CLEC4E: variants seen among roughly 807,000 people sequenced by gnomAD.
The protein encoded by CLEC4E is C-type (calcium dependent, carbohydrate-recognition domain) lectin, superfamily member 9.
Under a neutral mutation model 24.7 loss-of-function variants are expected in CLEC4E, and 21 were observed. That is an observed-to-expected ratio of 0.85 (90% CI 0.60 to 1.22). CLEC4E has a LOEUF of 1.22. Among genes scored for constraint, CLEC4E ranks in the 50% most tolerant of loss-of-function variants. The probability of loss-of-function intolerance (pLI) is 0.00; values close to 1 mark genes in which losing one functional copy is unlikely to be tolerated. For missense variants in CLEC4E, 249 were observed against 254.1 expected (o/e 0.98, Z 0.14); for synonymous variants, 94 against 85.7 (o/e 1.10, Z -0.54).
chr12:8,536,812 C>T (rs753410071), intron 4 of CLEC4E, among the ~76,000 whole-genome samples: 1 of 152,234 alleles, frequency 6.6e-6, no homozygotes, highest in South Asian at 2.1e-4. Flanking sequence ...ACAATATTTG[C>T]TTCTCTTCTT....
At position 8,534,121 on chromosome 12, in the gene CLEC4E, A is replaced by G. The variant is rs1392408975; in HGVS notation, c.*517T>C. On this transcript the variant is annotated 3_prime_UTR_variant, in exon 6 of 6. Transcript: ENST00000299663. ...CCAGAAAGGCCACACCGGTATTCTG[A>G]GCAGGAATAAGTTTCATGACTTGAA... 6.6e-6 allele frequency: 1 copy of G among 152,502 alleles called. No homozygotes were observed. 9.4% of individuals were successfully genotyped at this position (152,502 alleles called of 1,614,324 possible). A position where few individuals can be genotyped will look rare whatever the true frequency, so the allele number is the denominator to read the frequency against.
At chr12:8,540,042 T>C (rs1940676727) in intron 1 of CLEC4E, 95 bp from the exon 2 acceptor site, 3 of 829,634 alleles carry the variant, frequency 3.6e-6, no homozygotes, top group South Asian at 2.9e-5. Context: ...TATTTCCTTC[T>C]ACTTCCATTG....
intron 1 of CLEC4E, among the ~76,000 whole-genome samples, chr12:8,540,166 T>C (rs747087424): frequency 1.3e-5 from 2 of 152,318 alleles, no homozygotes; most frequent in East Asian, 3.9e-4. Context: ...AGAGTTTGTA[T>C]GGAACCAACA....
At chr12:8,538,639 T>C (rs112366022) in intron 3 of CLEC4E, among the ~76,000 whole-genome samples, 243 of 152,336 alleles carry the variant, frequency 1.6e-3, no homozygotes, top group African/African-American at 5.6e-3. Flanking sequence ...TATTTCTACA[T>C]GCTCTCGTCT....
At position 8,536,371 on chromosome 12, in the gene CLEC4E, C is replaced by T. The variant is rs746076767; in HGVS notation, c.373-166G>A. ...AGGAGTTCAAGACCAGCTTGACCAA[C>T]ATGGCGAAACCCTGTCTCTACTAAA... On this transcript the variant is annotated intron_variant, in intron 4 of 5. Coordinates refer to ENST00000299663, the MANE Select transcript of CLEC4E (RefSeq NM_014358.4). Among the ~76,000 whole-genome samples the T allele has an allele frequency of 2.0e-5, 3 of 152,278 alleles. No individual in the cohort carries two copies. In the South Asian group the frequency reaches 6.2e-4, roughly 32 times the overall value.
chr12:8,534,939 AT>A (rs1940593376), intron 5 of CLEC4E, 130 bp from the exon 6 acceptor site: 2 of 708,082 alleles, frequency 2.8e-6, no homozygotes, highest in Non-Finnish European at 4.5e-6. Flanking sequence ...TATAATGTCC[AT>A]TTTATTGAAG....
In CLEC4E at chr12:8,540,823, T is replaced by TTTTC; in HGVS notation, c.-27_-26insGAAA. The TTTTC allele has an allele frequency of 1.6e-6, 2 of 1,286,624 alleles. No homozygotes were observed. Among genetic ancestry groups the TTTTC allele is most frequent in the Non-Finnish European group, 2.2e-6 (2 of 891,466 alleles). 79.7% of individuals were successfully genotyped at this position (1,286,624 alleles called of 1,614,324 possible). ...TTTTTCTCTCTCTTTGGTTTTTTGT[T>TTTTC]TCTCTCTCTCTCTTTTTCTCTCCCT... On this transcript the variant is annotated 5_prime_UTR_variant, in exon 1 of 6. Transcript: ENST00000299663.
At chr12:8,536,976 T>C (rs1940623697) in intron 4 of CLEC4E, 139 bp downstream of exon 4, 1 of 716,104 alleles carries the variant, frequency 1.4e-6, no homozygotes, top group African/African-American at 1.8e-5. Flanking sequence ...GCAGTGACTT[T>C]ACCGAAATAG....
chr12:8,538,965 C>A (rs1940657261), intron 3 of CLEC4E: 1 of 431,024 alleles, frequency 2.3e-6, no homozygotes, highest in East Asian at 3.5e-5. Context: ...AGGTACACTC[C>A]TGGGAATAAT....
At chr12:8,540,019 A>G (rs1591726466) in intron 1 of CLEC4E, 72 bp from the exon 2 acceptor site, 2 of 949,522 alleles carry the variant, frequency 2.1e-6, no homozygotes, top group South Asian at 2.6e-5. Context: ...AGAGATTCTT[A>G]TTCATCCTTA....
chr12:8,537,332 TG>T, intron 3 of CLEC4E, 66 bp from the exon 4 acceptor site: 1 of 1,496,762 alleles, frequency 6.7e-7, no homozygotes, highest in Non-Finnish European at 9.1e-7. Flanking sequence ...AAGCTTCATC[TG>T]GCCCCATGGA....
chr12:8,533,836 G>A lies in CLEC4E; in HGVS notation c.*802C>T, dbSNP rs1940576393. The A allele has an allele frequency of 6.6e-6, 1 of 152,144 alleles. No homozygotes were observed. Among genetic ancestry groups the A allele is most frequent in the South Asian group, 2.1e-4 (1 of 4,832 alleles). The allele number at this position is 152,144 out of a possible 1,614,324, so 9.4% of individuals were successfully genotyped here. A position where few individuals can be genotyped will look rare whatever the true frequency, so the allele number is the denominator to read the frequency against. On this transcript the variant is annotated 3_prime_UTR_variant, in exon 6 of 6. Transcript: ENST00000299663. ...TAAAAAGCCTTTAACATGTACCCCC[G>A]AAAGCTAAAATAAAAGTTAAGAAAT...
At position 8,536,327 on chromosome 12, in the gene CLEC4E, G is replaced by A. The variant is rs185867256; in HGVS notation, c.373-122C>T. On this transcript the variant is annotated intron_variant, in intron 4 of 5. Transcript: ENST00000299663. ...TCCTAGCACTTTGGGAGGCCGAGGC[G>A]GGTGGATCACCTGAGGTCAGGAGTT... The A allele has an allele frequency of 1.3e-3, 665 of 521,650 alleles. 4 individuals carry two copies. The highest frequency in any genetic ancestry group is 0.012 in the African/African-American group (612 of 50,674). The allele number at this position is 521,650 out of a possible 1,614,324, so 32.3% of individuals were successfully genotyped here.
Position 8,534,475 on chromosome 12 carries a change from C to A in CLEC4E, c.*163G>T. 1 of 517,912 alleles carries A rather than the reference C, an allele frequency of 1.9e-6. No individual in the cohort carries two copies. Among genetic ancestry groups the A allele is most frequent in the Non-Finnish European group, 3.4e-6 (1 of 297,200 alleles). 32.1% of individuals were successfully genotyped at this position (517,912 alleles called of 1,614,324 possible). A position where few individuals can be genotyped will look rare whatever the true frequency, so the allele number is the denominator to read the frequency against. On this transcript the variant is annotated 3_prime_UTR_variant, in exon 6 of 6. Coordinates refer to ENST00000299663, the MANE Select transcript of CLEC4E (RefSeq NM_014358.4). ...AGAGAAAATGCACTTCAGCCAGTAA[C>A]ATGAATTATAACATTTAAAACTACT...
Position 8,536,192 on chromosome 12 carries a change from T to C in CLEC4E, c.386A>G (p.Tyr129Cys). 1 of 1,598,360 alleles carries C rather than the reference T, an allele frequency of 6.3e-7. No individual in the cohort carries two copies. The highest frequency in any genetic ancestry group is 8.6e-7 in the Non-Finnish European group (1 of 1,166,064). ...NSQEEQEFLSYKKPKMREFFI... is the reference protein window; with the variant it reads ...NSQEEQEFLSCKKPKMREFFI... ...AAACTCTCTCATTTTAGGTTTCTTG[T>C]AGGAAAGGAATTCCTATGGAAGATA... Residue 129 changes from tyrosine (Y) to cysteine (C), a missense_variant, in exon 5 of 6, where the codon TAC (tyrosine) becomes TGC (cysteine). Tyr to Cys is a radical substitution (Grantham distance 194). Transcript: ENST00000299663.
chr12:8,537,804 T>C (rs1379584357), intron 3 of CLEC4E, among the ~76,000 whole-genome samples: 4 of 152,246 alleles, frequency 2.6e-5, no homozygotes, highest in Admixed American at 2.6e-4. Context: ...TATGATTATA[T>C]ATGAATATCA....
chr12:8,539,026 A>G (rs370349497), intron 3 of CLEC4E, 191 bp downstream of exon 3: 3 of 485,164 alleles, frequency 6.2e-6, no homozygotes, highest in African/African-American at 4.0e-5. Flanking sequence ...AATTTATTCT[A>G]AAAGTTTACT....
chr12:8,537,325 C>G lies in CLEC4E; in HGVS notation c.221-59G>C, dbSNP rs1020397017. 14 of 1,536,768 alleles carry G rather than the reference C, an allele frequency of 9.1e-6. No homozygotes were observed. In the Admixed American group the frequency reaches 2.5e-4, roughly 27 times the overall value. On this transcript the variant is annotated intron_variant, in intron 3 of 5. Coordinates refer to ENST00000299663, the MANE Select transcript of CLEC4E (RefSeq NM_014358.4). ...GTGAACCGAATAAGAAAACCCAAAGCTTCATCTGGCCCCATGGAGTCCTCA... is the reference window on the plus strand; with the variant it reads ...GTGAACCGAATAAGAAAACCCAAAGGTTCATCTGGCCCCATGGAGTCCTCA...
In CLEC4E at chr12:8,534,641, A is replaced by C. The variant is rs759349567; in HGVS notation, c.657T>G (p.Leu219=). The C allele has an allele frequency of 6.2e-7, 1 of 1,612,584 alleles. No individual in the cohort carries two copies. Among genetic ancestry groups the C allele is most frequent in the Admixed American group, 1.7e-5 (1 of 59,894 alleles). The stretch of plus-strand genomic sequence containing the variant: ...ATTTGAGTTGTGCCTTCTGTTCTTA[A>C]AGAGATTTTCCTTTGTTCAAAGGAT... ...GINPLNKGKS[L] is the part of the protein sequence containing the mutation. The change falls in exon 6 of 6, where the codon CTT becomes CTG. Residue 219 remains leucine (L), a synonymous_variant. Transcript: ENST00000299663.
Sources: allele counts gnomAD v4.1 joint callset (sites outside exome capture counted in the v4.1 genomes callset), GRCh38; gene constraint gnomAD v4.1.1; transcripts MANE v1.5; gene names NCBI Gene and HGNC (gene_info 2026-07-23, HGNC 2026-07-21).